The following JMY variants were observed in gnomAD, a reference collection of about 807,000 sequenced individuals.
JMY encodes junction mediating and regulatory protein, p53 cofactor.
Under a neutral mutation model 103.3 loss-of-function variants are expected in JMY, and 46 were observed. The ratio of observed to expected loss-of-function variants is 0.45; its 90% CI spans 0.35 to 0.57. The LOEUF (loss-of-function observed/expected upper bound fraction) is 0.57, where lower values mean the gene tolerates loss of function less well. JMY is among the 20% of genes least tolerant of loss of function. The pLI is 0.00. For missense variants in JMY, 1,238 were observed against 1,255.2 expected, an observed-to-expected ratio of 0.99 and a Z score of 0.21; for synonymous variants, 526 against 489.3, an observed-to-expected ratio of 1.07 and a Z score of -0.99.
chr5:79,309,482 T>C (rs1746983023), intron 7 of JMY, among the ~76,000 whole-genome samples: 1 of 152,228 alleles, frequency 6.6e-6, no homozygotes, highest in African/African-American at 2.4e-5. Context: ...CAGTCATCTT[T>C]ACAGATGTGT....
At position 79,290,263 on chromosome 5, in the gene JMY, CT is replaced by C; in HGVS notation, c.1350del (p.Gln451LysfsTer41). 6.8e-7 allele frequency: 1 copy of C among 1,477,078 alleles called. No individual in the cohort carries two copies. The highest frequency in any genetic ancestry group is 1.4e-5 in the African/African-American group (1 of 70,672). 91.5% of individuals were successfully genotyped at this position (1,477,078 alleles called of 1,614,324 possible). A position where few individuals can be genotyped will look rare whatever the true frequency, so the allele number is the denominator to read the frequency against. ...TVKYFEITAK[A>X]QKAVYDRMRA... ...AAGTACTTTGAAATAACAGCTAAAG[CT>C]CAAAAAGGTAGGTTTCTCAGTAAAT... is the stretch of plus-strand genomic sequence containing the variant. On this transcript the variant is annotated frameshift_variant, in exon 3 of 11. Transcript: ENST00000396137. LOFTEE classifies it high-confidence loss of function.
At chr5:79,304,580 A>G (rs1438830796) in intron 6 of JMY, among the ~76,000 whole-genome samples, 1 of 152,192 alleles carries the variant, frequency 6.6e-6, no homozygotes, top group Non-Finnish European at 1.5e-5. Flanking sequence ...CAGTAGTCAA[A>G]TGAAATCCAG....
rs544039003 is a variant in JMY at position 79,313,303 on chromosome 5, C to T, written c.2064+805C>T. Among the ~76,000 whole-genome samples the T allele has an allele frequency of 8.5e-5, 13 of 152,158 alleles. No individual in the cohort carries two copies. The South Asian group carries it at 1.0e-3, about 12-fold the overall frequency. ...GCATGGTGGAACATGCCTGTGGTTCCGGCCATTTGGGTGGCTGAAGTGGGA... is the reference window on the plus strand; with the variant it reads ...GCATGGTGGAACATGCCTGTGGTTCTGGCCATTTGGGTGGCTGAAGTGGGA... On this transcript the variant is annotated intron_variant, in intron 8 of 10. Coordinates refer to ENST00000396137, the MANE Select transcript of JMY (RefSeq NM_152405.5).
chr5:79,278,167 C>CT (rs1746000758), intron 2 of JMY, 84 bp downstream of exon 2: 3 of 759,950 alleles, frequency 3.9e-6, no homozygotes, highest in South Asian at 3.5e-5. Flanking sequence ...ACAAGAGGAA[C>CT]TTTAAAAAAA....
At chr5:79,242,146 G>C (rs896599710) in intron 1 of JMY, among the ~76,000 whole-genome samples, 1 of 152,184 alleles carries the variant, frequency 6.6e-6, no homozygotes, top group African/African-American at 2.4e-5. Flanking sequence ...CTTCTCTTCT[G>C]TTGAAACCAC....
At chr5:79,320,166 G>A (rs184588215) in intron 10 of JMY, among the ~76,000 whole-genome samples, 45 of 152,224 alleles carry the variant, frequency 3.0e-4, no homozygotes, top group Admixed American at 1.8e-3. Context: ...TGGATCACTT[G>A]AGCCCAGGAA....
chr5:79,292,509 C>T (rs969201808), intron 4 of JMY, among the ~76,000 whole-genome samples: 3 of 152,016 alleles, frequency 2.0e-5, no homozygotes, highest in Non-Finnish European at 4.4e-5. Flanking sequence ...TTTGTAGAGA[C>T]GAGGTCTCCC....
intron 1 of JMY, among the ~76,000 whole-genome samples, chr5:79,239,916 C>T (rs1409947584): frequency 6.6e-6 from 1 of 151,820 alleles, no homozygotes; most frequent in East Asian, 1.9e-4. Context: ...TTTTCTAGAA[C>T]TCTTTAAAAA....
intron 1 of JMY, among the ~76,000 whole-genome samples, chr5:79,245,496 C>A (rs768192287): frequency 1.2e-4 from 18 of 152,020 alleles, no homozygotes; most frequent in Admixed American, 3.3e-4. Context: ...AGTTGTTTGA[C>A]CTTAGGCTGT....
chr5:79,290,831 C>G (rs1483519774), intron 3 of JMY, among the ~76,000 whole-genome samples: 1 of 151,920 alleles, frequency 6.6e-6, no homozygotes, highest in Admixed American at 6.6e-5. Context: ...ACTAAAAATA[C>G]AAAAATTAGC....
Position 79,237,680 on chromosome 5 carries a change from G to C in JMY, c.1030G>C (p.Glu344Gln). 6.2e-7 allele frequency: 1 copy of C among 1,610,246 alleles called. No homozygotes were observed. Among genetic ancestry groups the C allele is most frequent in the Admixed American group, 1.7e-5 (1 of 59,662 alleles). ...TCAGCGGGCCAGGAAGCGCATCCAG[G>C]AGGTGAGTGAGTGAGCTCCTAGTCT... is the stretch of plus-strand genomic sequence containing the variant. ...VLQRARKRIQ[E>Q]LLDKHKNTES... is the part of the protein sequence containing the mutation. The change falls in exon 1 of 11, where the codon GAG (glutamate) becomes CAG (glutamine). Residue 344 changes from glutamate (E) to glutamine (Q), a missense_variant and splice_region_variant. Physicochemically the swap from Glu to Gln is conservative, Grantham distance 29. Coordinates refer to ENST00000396137, the MANE Select transcript of JMY (RefSeq NM_152405.5).
chr5:79,306,649 C>T (rs7704383), intron 7 of JMY, among the ~76,000 whole-genome samples, 188 bp downstream of exon 7: 75,206 of 151,892 alleles, frequency 0.5, 19,015 homozygotes, highest in Non-Finnish European at 0.57. Context: ...AACCCGCACA[C>T]GTAGCCTCCC....
intron 1 of JMY, among the ~76,000 whole-genome samples, chr5:79,263,600 G>C (rs1288565710): frequency 6.6e-6 from 1 of 152,102 alleles, no homozygotes; most frequent in African/African-American, 2.4e-5. Flanking sequence ...TCACCATGTG[G>C]CCCAGGCTGG....
At chr5:79,271,632 T>G (rs1745785145) in intron 1 of JMY, among the ~76,000 whole-genome samples, 1 of 152,186 alleles carries the variant, frequency 6.6e-6, no homozygotes, top group Non-Finnish European at 1.5e-5. Flanking sequence ...TTTCTTTTAC[T>G]CACCGTTATG....
chr5:79,302,802 G>GT (rs1167079114), intron 6 of JMY, among the ~76,000 whole-genome samples: 1 of 152,204 alleles, frequency 6.6e-6, no homozygotes, highest in Non-Finnish European at 1.5e-5. Context: ...AGATGGAAAG[G>GT]TTCTGATTGG....
intron 8 of JMY, among the ~76,000 whole-genome samples, chr5:79,313,791 ATTGT>A (rs1264794813): frequency 6.6e-6 from 1 of 152,232 alleles, no homozygotes; most frequent in African/African-American, 2.4e-5. Context: ...TAAATTCATA[ATTGT>A]TTGTAAGCTA....
At chr5:79,267,685 G>A (rs1745624581) in intron 1 of JMY, among the ~76,000 whole-genome samples, 1 of 152,174 alleles carries the variant, frequency 6.6e-6, no homozygotes, top group African/African-American at 2.4e-5. Flanking sequence ...AAAGTGCTGG[G>A]ATTACAGGCC....
At chr5:79,297,175 T>C (rs1169541141) in intron 4 of JMY, among the ~76,000 whole-genome samples, 3 of 152,246 alleles carry the variant, frequency 2.0e-5, no homozygotes, top group Admixed American at 1.3e-4. Context: ...CATTGGGAGG[T>C]TACAATTTGG....
rs1318556696 is a variant in JMY at position 79,325,510 on chromosome 5, CAG to C, written c.*3910_*3911del. 2 of 152,098 alleles carry C rather than the reference CAG, an allele frequency of 1.3e-5. No homozygotes were observed. Among genetic ancestry groups the C allele is most frequent in the East Asian group, 1.9e-4 (1 of 5,196 alleles). The allele number at this position is 152,098 out of a possible 1,614,324, so 9.4% of individuals were successfully genotyped here. The stretch of plus-strand genomic sequence containing the variant: ...CATAAAATTAAGTGTGCATTTTAAA[CAG>C]ATTCTATTTCCCACTTACTGCTTAG... On this transcript the variant is annotated 3_prime_UTR_variant, in exon 11 of 11. Transcript: ENST00000396137.
Sources: gnomAD v4.1 joint callset for allele counts (sites outside exome capture counted in the v4.1 genomes callset) on GRCh38, gnomAD v4.1.1 for gene constraint, MANE v1.5 for transcripts, NCBI Gene and HGNC (gene_info 2026-07-23, HGNC 2026-07-21) for gene names.